Variants in RLF observed in about 807,000 individuals in gnomAD.
RLF encodes the protein zinc finger protein Rlf.
A neutral mutation model predicts 162.9 loss-of-function variants in RLF; 7 were observed. That is an observed-to-expected ratio of 0.04 (90% CI 0.02 to 0.08). The LOEUF is 0.08. RLF is among the 10% of genes least tolerant of loss of function. The pLI is 1.00. For missense variants in RLF, 1,664 were observed against 2,244.7 expected (o/e 0.74, Z 5.23); for synonymous variants, 782 against 791.5 (o/e 0.99, Z 0.20).
chr1:40,208,971 ACACT>A (rs544058847), intron 5 of RLF, among the ~76,000 whole-genome samples: 64 of 152,312 alleles, frequency 4.2e-4, no homozygotes, highest in South Asian at 1.0e-3. Context: ...TATTAATCTG[ACACT>A]CACACATCTC....
At chr1:40,180,328 GA>G (rs1169767219) in intron 1 of RLF, among the ~76,000 whole-genome samples, 1 of 151,982 alleles carries the variant, frequency 6.6e-6, no homozygotes, top group Non-Finnish European at 1.5e-5. Context: ...ACATGATCTT[GA>G]CTCATTGTAA....
intron 1 of RLF, among the ~76,000 whole-genome samples, chr1:40,178,828 T>C (rs1474857052): frequency 1.3e-5 from 2 of 148,834 alleles, no homozygotes; most frequent in Non-Finnish European, 3.0e-5. Flanking sequence ...TCCCGCCTTA[T>C]CACCATTTTT....
intron 1 of RLF, among the ~76,000 whole-genome samples, chr1:40,174,830 C>T (rs1220489008): frequency 1.3e-5 from 2 of 152,114 alleles, no homozygotes; most frequent in Non-Finnish European, 2.9e-5. Context: ...GTTAGTTATG[C>T]TCACTCTCTT....
chr1:40,176,968 T>C (rs560988612), intron 1 of RLF, among the ~76,000 whole-genome samples: 2 of 151,864 alleles, frequency 1.3e-5, no homozygotes, highest in Non-Finnish European at 2.9e-5. Context: ...CTTTCTTTTT[T>C]ATTTATTTCT....
Position 40,185,656 on chromosome 1 carries a change from C to CAAA in RLF, c.238-3379_238-3377dup, listed in dbSNP as rs1163398364. 2.0e-3 allele frequency among the ~76,000 whole-genome samples: 79 copies of CAAA among 38,752 alleles called. 1 individual carries two copies. The highest frequency in any genetic ancestry group is 5.9e-3 in the African/African-American group (67 of 11,360). The allele number at this position is 38,752 out of a possible 152,430, so 25.4% of individuals were successfully genotyped here. ...TGAAACCCCGTCTCTACTAAAAATA[C>CAAA]AAAAAAAAAAAAAAAAAAAAAATTA... On this transcript the variant is annotated intron_variant, in intron 1 of 7. Coordinates refer to ENST00000372771, the MANE Select transcript of RLF (RefSeq NM_012421.4).
chr1:40,226,723 C>T (rs1355933623), intron 6 of RLF, among the ~76,000 whole-genome samples: 1 of 151,828 alleles, frequency 6.6e-6, no homozygotes, highest in Admixed American at 6.6e-5. Flanking sequence ...GGATGATCAT[C>T]CCTTAATTCC....
chr1:40,222,366 T>G (rs746368076), intron 5 of RLF, among the ~76,000 whole-genome samples: 3 of 152,252 alleles, frequency 2.0e-5, no homozygotes, highest in Non-Finnish European at 4.4e-5. Context: ...TTTTTATCTG[T>G]ATTGAGACTG....
rs201602451 is a variant in RLF at position 40,238,448 on chromosome 1, A to T, written c.3746A>T (p.Asp1249Val). The T allele has an allele frequency of 5.1e-5, 82 of 1,614,026 alleles. No individual in the cohort carries two copies. The highest frequency in any genetic ancestry group is 6.8e-6 in the Non-Finnish European group (8 of 1,180,022). Residue 1249 changes from aspartate to valine, a missense_variant, in exon 8 of 8, where the codon GAT becomes GTT. Asp to Val is a radical substitution (Grantham distance 152). Around this residue, in one of 15 missense-constraint regions of RLF, gnomAD observed 102 missense variants for 109.5 expected, o/e 0.93. Coordinates refer to ENST00000372771, the MANE Select transcript of RLF (RefSeq NM_012421.4). This position sits in a 1 kb window ranked among gnomAD's most constrained non-coding sequence, Gnocchi z 5.2. ...AAACCACACTGTCATCCTAAAAAGG[A>T]TGAATGTAGTTCTGAAACAGATTTG... The part of the protein sequence containing the change: ...SEKPHCHPKK[D>V]ECSSETDLES...
At chr1:40,170,117 CAA>C (rs1316742338) in intron 1 of RLF, among the ~76,000 whole-genome samples, 2 of 152,164 alleles carry the variant, frequency 1.3e-5, no homozygotes, top group East Asian at 3.9e-4. Flanking sequence ...TTTATCAGCT[CAA>C]GAGTCACATT....
intron 5 of RLF, among the ~76,000 whole-genome samples, chr1:40,210,950 CTG>C (rs1307308374): frequency 2.0e-5 from 3 of 152,192 alleles, no homozygotes; most frequent in African/African-American, 7.2e-5. Flanking sequence ...TTGCAGGGAA[CTG>C]TGTTATAGGA....
chr1:40,182,762 T>TAGATAGAA (rs1642422818), intron 1 of RLF, among the ~76,000 whole-genome samples: 1 of 148,182 alleles, frequency 6.7e-6, no homozygotes, highest in African/African-American at 2.5e-5. Context: ...GGTAGATAGA[T>TAGATAGAA]AGATAGATAG....
At position 40,189,004 on chromosome 1, in the gene RLF, A is replaced by C. The variant is rs969443161; in HGVS notation, c.238-51A>C. On this transcript the variant is annotated intron_variant, in intron 1 of 7. Transcript: ENST00000372771. Reference sequence around the variant, plus strand: ...ATGTGGTGTGTTTGAGGACAAAGACAATCTGTTTCATTATTTTTATTTGTA... The same window carrying C: ...ATGTGGTGTGTTTGAGGACAAAGACCATCTGTTTCATTATTTTTATTTGTA... 6 of 1,284,550 alleles carry C rather than the reference A, an allele frequency of 4.7e-6. No individual in the cohort carries two copies. The African/African-American group carries it at 8.9e-5, about 19-fold the overall frequency. The allele number at this position is 1,284,550 out of a possible 1,614,324, so 79.6% of individuals were successfully genotyped here. A position where few individuals can be genotyped will look rare whatever the true frequency, so the allele number is the denominator to read the frequency against.
At position 40,236,600 on chromosome 1, in the gene RLF, C is replaced by G. The variant is rs1165784231; in HGVS notation, c.1898C>G (p.Pro633Arg). 1 of 1,614,034 alleles carries G rather than the reference C, an allele frequency of 6.2e-7. No homozygotes were observed. Among genetic ancestry groups the G allele is most frequent in the Non-Finnish European group, 8.5e-7 (1 of 1,179,996 alleles). Residue 633 changes from proline (P) to arginine (R), a missense_variant, in exon 8 of 8, where the codon CCC becomes CGC. Coordinates refer to ENST00000372771, the MANE Select transcript of RLF (RefSeq NM_012421.4). The surrounding 1 kb of genome is among the most constrained non-coding windows in gnomAD (Gnocchi z 7.7). ...GSQKGICPKS[P>R]SAIPEQNHSL... Reference sequence around the variant, plus strand: ...CAAAAGGGTATTTGTCCTAAGAGCCCCTCTGCAATCCCAGAGCAAAACCAT... The same window carrying G: ...CAAAAGGGTATTTGTCCTAAGAGCCGCTCTGCAATCCCAGAGCAAAACCAT...
Position 40,206,658 on chromosome 1 carries a change from A to G in RLF, c.810+4044A>G, listed in dbSNP as rs143530339. On this transcript the variant is annotated intron_variant, in intron 5 of 7. Coordinates refer to ENST00000372771, the MANE Select transcript of RLF (RefSeq NM_012421.4). Reference sequence around the variant, plus strand: ...GAATACATTCAGAATTCTTTATTCTATGTGCCATGGGCCCTGGCTACTTTT... The same window carrying G: ...GAATACATTCAGAATTCTTTATTCTGTGTGCCATGGGCCCTGGCTACTTTT... Among the ~76,000 whole-genome samples, 345 of 152,324 alleles carry G rather than the reference A, an allele frequency of 2.3e-3. 4 individuals are homozygous for G. Among genetic ancestry groups the G allele is most frequent in the African/African-American group, 7.7e-3 (321 of 41,578 alleles).
In RLF at chr1:40,239,559, A is replaced by T. The variant is rs1369255176; in HGVS notation, c.4857A>T (p.Glu1619Asp). Residue 1619 changes from glutamate to aspartate, a missense_variant, in exon 8 of 8, where the codon GAA becomes GAT. Glu to Asp is a conservative substitution (Grantham distance 45). This residue lies in a region of RLF where 327 missense variants were observed against 342.7 expected (regional missense o/e 0.95). Transcript: ENST00000372771. ...AGAAAGAAGAAAATAGAAGCTGTGA[A>T]TCAGAGCGCACAGAACACAGCCATT... The part of the protein sequence containing the change: ...CIKKEENRSC[E>D]SERTEHSHSP... 5 of 1,614,020 alleles carry T rather than the reference A, an allele frequency of 3.1e-6. No individual in the cohort carries two copies. Among genetic ancestry groups the T allele is most frequent in the Non-Finnish European group, 4.2e-6 (5 of 1,180,042 alleles).
At chr1:40,181,416 C>T (rs866746688) in intron 1 of RLF, among the ~76,000 whole-genome samples, 5 of 152,148 alleles carry the variant, frequency 3.3e-5, no homozygotes, top group Admixed American at 1.3e-4. Context: ...GGCAGCAGAG[C>T]GAGACTCCAT....
chr1:40,239,957 A>G lies in RLF; in HGVS notation c.5255A>G (p.Lys1752Arg). The stretch of plus-strand genomic sequence containing the variant: ...CATGTCCCAAAAGAGAATTTTAGGA[A>G]ACATTCACAGCCCCGGTCATTTGAT... Reference protein sequence around the residue: ...PTHVPKENFRKHSQPRSFDLK... With the variant: ...PTHVPKENFRRHSQPRSFDLK... The change falls in exon 8 of 8, where the codon AAA becomes AGA. Residue 1752 changes from lysine (K) to arginine (R), a missense_variant. Around this residue, in one of 15 missense-constraint regions of RLF, gnomAD observed 327 missense variants for 342.7 expected, o/e 0.95. Coordinates refer to ENST00000372771, the MANE Select transcript of RLF (RefSeq NM_012421.4). The G allele has an allele frequency of 3.1e-6, 5 of 1,613,756 alleles. No individual in the cohort carries two copies. In the South Asian group the frequency reaches 4.4e-5, roughly 14 times the overall value.
In RLF at chr1:40,187,690, T is replaced by G. The variant is rs564115697; in HGVS notation, c.238-1365T>G. On this transcript the variant is annotated intron_variant, in intron 1 of 7. Coordinates refer to ENST00000372771, the MANE Select transcript of RLF (RefSeq NM_012421.4). Reference sequence around the variant, plus strand: ...ATGGTATAATGGTCTATGGTATATTTCCTTGTAAGTTGTTTCTCTCTCTCT... The same window carrying G: ...ATGGTATAATGGTCTATGGTATATTGCCTTGTAAGTTGTTTCTCTCTCTCT... Among the ~76,000 whole-genome samples, 6 of 152,326 alleles carry G rather than the reference T, an allele frequency of 3.9e-5. No individual in the cohort carries two copies. The East Asian group carries it at 1.2e-3, about 29-fold the overall frequency.
chr1:40,192,566 C>T (rs1327864538), intron 3 of RLF, among the ~76,000 whole-genome samples: 1 of 152,060 alleles, frequency 6.6e-6, no homozygotes, highest in Non-Finnish European at 1.5e-5. Flanking sequence ...TTATTATTTT[C>T]TTAGCTTGCT....
Sources: allele counts gnomAD v4.1 joint callset (sites outside exome capture counted in the v4.1 genomes callset), GRCh38; gene constraint gnomAD v4.1.1; regional missense constraint gnomAD v4.1.1; non-coding constraint Gnocchi (gnomAD v3.1); transcripts MANE v1.5; gene names NCBI Gene and HGNC (gene_info 2026-07-23, HGNC 2026-07-21).